Variants in SLC15A5 observed in about 807,000 individuals in gnomAD.
SLC15A5 encodes Peptide/histidine transporter ENSP00000340402.
A neutral mutation model predicts 56.1 loss-of-function variants in SLC15A5; 58 were observed. That is an observed-to-expected ratio of 1.03 (90% CI 0.84 to 1.29). SLC15A5 has a LOEUF of 1.29. SLC15A5 is among the 50% of genes most tolerant of loss of function. The pLI is 0.00. For synonymous variants in SLC15A5, 264 were observed against 250.5 expected (o/e 1.05, Z -0.51); for missense variants, 681 against 672.1 (o/e 1.01, Z -0.15).
intron 8 of SLC15A5, 96 bp from the exon 9 acceptor site, chr12:16,189,911 G>A: frequency 1.3e-5 from 12 of 900,010 alleles, no homozygotes; most frequent in Non-Finnish European, 1.6e-6. Flanking sequence ...CTTTTATGAT[G>A]GGCTCATAGA....
intron 5 of SLC15A5, among the ~76,000 whole-genome samples, chr12:16,226,466 AT>A (rs938395841): frequency 8.5e-5 from 13 of 152,294 alleles, no homozygotes; most frequent in African/African-American, 3.1e-4. Flanking sequence ...TGAGTCAAAA[AT>A]TATTTGGAGG....
chr12:16,190,075 C>T (rs920661515), intron 8 of SLC15A5, among the ~76,000 whole-genome samples: 1 of 152,142 alleles, frequency 6.6e-6, no homozygotes, highest in Non-Finnish European at 1.5e-5. Flanking sequence ...TCAGTGCTGA[C>T]AGAGAGATGG....
At chr12:16,198,842 A>T (rs1229586530) in intron 7 of SLC15A5, among the ~76,000 whole-genome samples, 2 of 152,130 alleles carry the variant, frequency 1.3e-5, no homozygotes, top group African/African-American at 4.8e-5. Flanking sequence ...TGAAAGAAAA[A>T]TACAGTTTAT....
At chr12:16,255,914 G>T (rs183286203) in intron 3 of SLC15A5, among the ~76,000 whole-genome samples, 130 of 152,218 alleles carry the variant, frequency 8.5e-4, no homozygotes, top group African/African-American at 3.0e-3. Context: ...AAAATGGAAG[G>T]ATAATCCATA....
At chr12:16,207,684 T>C (rs1174021606) in intron 7 of SLC15A5, among the ~76,000 whole-genome samples, 1 of 152,076 alleles carries the variant, frequency 6.6e-6, no homozygotes, top group East Asian at 1.9e-4. Context: ...TTTGCTCTTG[T>C]TACCCAGGCT....
rs1339746036 is a variant in SLC15A5 at position 16,196,686 on chromosome 12, G to A, written c.1484-2233C>T. On this transcript the variant is annotated intron_variant, in intron 7 of 8. Coordinates refer to ENST00000344941, the MANE Select transcript of SLC15A5 (RefSeq NM_001170798.1). This position sits in a 1 kb window ranked among gnomAD's most constrained non-coding sequence, Gnocchi z 4.0. ...GACTAGTGTAAGAGGAGTTTGCACA[G>A]AGTATGTGAAGCTTCAGAATTAACA... Among the ~76,000 whole-genome samples the A allele has an allele frequency of 6.6e-6, 1 of 152,060 alleles. No homozygotes were observed. Among genetic ancestry groups the A allele is most frequent in the Non-Finnish European group, 1.5e-5 (1 of 68,008 alleles).
At chr12:16,248,712 A>T (rs1011295269) in intron 3 of SLC15A5, among the ~76,000 whole-genome samples, 4 of 152,106 alleles carry the variant, frequency 2.6e-5, no homozygotes, top group African/African-American at 9.7e-5. Context: ...TAGAAAACTC[A>T]CGCCTTCTAT....
intron 2 of SLC15A5, among the ~76,000 whole-genome samples, chr12:16,262,661 T>C (rs1864653998): frequency 6.6e-6 from 1 of 152,242 alleles, no homozygotes; most frequent in South Asian, 2.1e-4. Context: ...GGTTTAGTTC[T>C]CTGTCCCCAT....
chr12:16,243,225 T>A lies in SLC15A5; in HGVS notation c.975+1355A>T, dbSNP rs1274430222. 1.3e-5 allele frequency among the ~76,000 whole-genome samples: 2 copies of A among 151,698 alleles called. No homozygotes were observed. The highest frequency in any genetic ancestry group is 2.9e-5 in the Non-Finnish European group (2 of 67,930). On this transcript the variant is annotated intron_variant, in intron 4 of 8. Coordinates refer to ENST00000344941, the MANE Select transcript of SLC15A5 (RefSeq NM_001170798.1). The surrounding 1 kb of genome is among the most constrained non-coding windows in gnomAD (Gnocchi z 4.4). ...CTTTGCTTTTTCTCTTTTTTTTTTT[T>A]TTGAGATGGAGTTTCATTCTTGTTT... is the stretch of plus-strand genomic sequence containing the variant.
intron 6 of SLC15A5, among the ~76,000 whole-genome samples, chr12:16,220,877 A>G (rs1449839609): frequency 6.6e-6 from 1 of 152,198 alleles, no homozygotes; most frequent in Non-Finnish European, 1.5e-5. Flanking sequence ...CACACTGTAG[A>G]CACCCACACA....
chr12:16,203,212 A>G (rs1863979817), intron 7 of SLC15A5, among the ~76,000 whole-genome samples: 1 of 152,162 alleles, frequency 6.6e-6, no homozygotes, highest in South Asian at 2.1e-4. Flanking sequence ...GTATGCAGGT[A>G]TTGAAACATT....
intron 5 of SLC15A5, among the ~76,000 whole-genome samples, chr12:16,232,653 T>C (rs903226057): frequency 1.3e-5 from 2 of 152,106 alleles, no homozygotes; most frequent in African/African-American, 2.4e-5. Flanking sequence ...CAGCAGCTTG[T>C]AGCTGTAATC....
At chr12:16,259,388 T>TC (rs1864617036) in intron 2 of SLC15A5, among the ~76,000 whole-genome samples, 5 of 151,552 alleles carry the variant, frequency 3.3e-5, no homozygotes, top group Non-Finnish European at 1.5e-5. Flanking sequence ...GTTCCTTCCT[T>TC]CTTTCCTTCC....
At position 16,239,817 on chromosome 12, in the gene SLC15A5, A is replaced by G. The variant is rs1013233858; in HGVS notation, c.1026T>C (p.Asp342=). Residue 342 remains aspartate, a synonymous_variant, in exon 5 of 9, where the codon GAT becomes GAC. Coordinates refer to ENST00000344941, the MANE Select transcript of SLC15A5 (RefSeq NM_001170798.1). The part of the protein sequence containing the change: ...LQTMNSNLNL[D]GFLLPIAVMN... ...TTACTGCAATCGGCAGAAGAAATCC[A>G]TCCAAATTCAGGTTGGAATTCATAG... The G allele has an allele frequency of 6.5e-7, 1 of 1,537,242 alleles. No individual in the cohort carries two copies. Among genetic ancestry groups the G allele is most frequent in the Non-Finnish European group, 8.7e-7 (1 of 1,146,880 alleles).
chr12:16,246,282 C>A (rs1864460315), intron 3 of SLC15A5, among the ~76,000 whole-genome samples: 1 of 152,160 alleles, frequency 6.6e-6, no homozygotes, highest in South Asian at 2.1e-4. Context: ...CTGTGAGAGG[C>A]CAAGATTTGT....
intron 5 of SLC15A5, among the ~76,000 whole-genome samples, chr12:16,234,609 G>A (rs1864329611): frequency 6.6e-6 from 1 of 152,056 alleles, no homozygotes; most frequent in Non-Finnish European, 1.5e-5. Context: ...AAGCACAATG[G>A]TTGCATAGGA....
chr12:16,234,025 A>C (rs1293134436), intron 5 of SLC15A5, among the ~76,000 whole-genome samples: 1 of 152,192 alleles, frequency 6.6e-6, no homozygotes, highest in African/African-American at 2.4e-5. Context: ...AGACTGAGTA[A>C]TTTATAAAGA....
rs534013384 is a variant in SLC15A5 at position 16,244,922 on chromosome 12, C to T, written c.755-122G>A. ...AGTGAAGTGAGAAAGTTTTTAGCAC[C>T]CAAGGGGTCGGACTCAAAGGACCAC... On this transcript the variant is annotated intron_variant, in intron 3 of 8. Coordinates refer to ENST00000344941, the MANE Select transcript of SLC15A5 (RefSeq NM_001170798.1). The T allele has an allele frequency of 2.0e-4, 213 of 1,059,096 alleles. No homozygotes were observed. In the African/African-American group the frequency reaches 3.1e-3, roughly 15 times the overall value. 65.6% of individuals were successfully genotyped at this position (1,059,096 alleles called of 1,614,324 possible). A position where few individuals can be genotyped will look rare whatever the true frequency, so the allele number is the denominator to read the frequency against.
chr12:16,214,941 A>G (rs1031254906), intron 7 of SLC15A5, among the ~76,000 whole-genome samples: 8 of 151,944 alleles, frequency 5.3e-5, no homozygotes, highest in Admixed American at 2.0e-4. Flanking sequence ...GCGGTGGCTC[A>G]CGCCTGTAAT....
Sources: allele counts gnomAD v4.1 joint callset (sites outside exome capture counted in the v4.1 genomes callset), GRCh38; gene constraint gnomAD v4.1.1; non-coding constraint Gnocchi (gnomAD v3.1); transcripts MANE v1.5; gene names NCBI Gene and HGNC (gene_info 2026-07-23, HGNC 2026-07-21).